Variants in FSTL4 observed in about 807,000 individuals in gnomAD.
FSTL4 encodes the protein follistatin-related protein 4.
In FSTL4, 28 loss-of-function variants were observed where a neutral mutation model predicts 78.2. The ratio of observed to expected loss-of-function variants is 0.36; its 90% CI spans 0.27 to 0.49. FSTL4 has a LOEUF of 0.49. Ranked by LOEUF, FSTL4 falls within the 20% of genes least tolerant of loss-of-function variation. FSTL4 has a pLI of 0.98. For missense variants in FSTL4, 922 were observed against 1,084.9 expected, an observed-to-expected ratio of 0.85 and a Z score of 2.11; for synonymous variants, 422 against 440.5, an observed-to-expected ratio of 0.96 and a Z score of 0.53.
chr5:133,642,840 CAA>C, the FSTL4 span, among the ~76,000 whole-genome samples: 2 of 152,104 alleles, frequency 1.3e-5, no homozygotes, highest in Non-Finnish European at 2.9e-5. Context: ...AAAATTGAAA[CAA>C]AGAAATCACA....
the FSTL4 span, among the ~76,000 whole-genome samples, chr5:133,697,407 GCCCCAGACCATGCTGA>G: frequency 6.6e-6 from 1 of 152,102 alleles, no homozygotes; most frequent in African/African-American, 2.4e-5. Context: ...TCCTCCCCCT[GCCCCAGACCATGCTGA>G]CCTCTTCCCA....
In FSTL4 at chr5:133,312,786, T is replaced by G. The variant is rs757989692; in HGVS notation, c.604-9A>C. On this transcript the variant is annotated splice_polypyrimidine_tract_variant and intron_variant, in intron 5 of 15. Coordinates refer to ENST00000265342, the MANE Select transcript of FSTL4 (RefSeq NM_015082.2). ...TGCTTCTTCAGCACATGCTGTGGGG[T>G]GAGGAGGAGAACAAGGCCAGAATCA... The G allele has an allele frequency of 6.8e-6, 11 of 1,613,766 alleles. No homozygotes were observed. In the African/African-American group the frequency reaches 1.3e-4, roughly 20 times the overall value.
chr5:133,437,650 C>T lies in FSTL4; in HGVS notation c.161-36664G>A, dbSNP rs1026671599. 3.9e-5 allele frequency among the ~76,000 whole-genome samples: 6 copies of T among 151,906 alleles called. No homozygotes were observed. The East Asian group carries it at 5.8e-4, about 15-fold the overall frequency. On this transcript the variant is annotated intron_variant, in intron 3 of 15. Transcript: ENST00000265342. Reference sequence around the variant, plus strand: ...GATTACAGTTGCTCGCCACCACACCCGGTTAATTTTTTGTATTTTTAGTAG... The same window carrying T: ...GATTACAGTTGCTCGCCACCACACCTGGTTAATTTTTTGTATTTTTAGTAG...
intron 3 of FSTL4, among the ~76,000 whole-genome samples, chr5:133,428,676 C>T (rs767280956): frequency 1.3e-5 from 2 of 152,220 alleles, no homozygotes; most frequent in African/African-American, 4.8e-5. Flanking sequence ...CATATAGGGG[C>T]TCCTGTCCTC....
intron 3 of FSTL4, among the ~76,000 whole-genome samples, chr5:133,506,801 AATAAATATTTGTTGG>A (rs1332950166): frequency 6.6e-6 from 1 of 152,250 alleles, no homozygotes; most frequent in Non-Finnish European, 1.5e-5. Flanking sequence ...GAGGTCATTC[AATAAATATTTGTTGG>A]ATAAATATTT....
At chr5:133,205,312 A>G (rs1750461644) in intron 14 of FSTL4, among the ~76,000 whole-genome samples, 1 of 152,188 alleles carries the variant, frequency 6.6e-6, no homozygotes, top group Non-Finnish European at 1.5e-5. Context: ...ACAGTGAACC[A>G]TCGTTGCATC....
At chr5:133,443,383 A>C (rs1298631340) in intron 3 of FSTL4, among the ~76,000 whole-genome samples, 1 of 152,234 alleles carries the variant, frequency 6.6e-6, no homozygotes, top group Non-Finnish European at 1.5e-5. Flanking sequence ...GCTTGAACTG[A>C]AATTGTCACA....
At chr5:133,683,963 TG>T in the FSTL4 span, among the ~76,000 whole-genome samples, 1,841 of 152,290 alleles carry the variant, frequency 0.012, 41 homozygotes, top group African/African-American at 0.041. Context: ...TAGCTCATCT[TG>T]CCTCATCCGC....
At chr5:133,469,871 T>A (rs1757786201) in intron 3 of FSTL4, among the ~76,000 whole-genome samples, 1 of 150,292 alleles carries the variant, frequency 6.7e-6, no homozygotes, top group African/African-American at 2.5e-5. Context: ...AAATAACACC[T>A]CCCTCAGAGG....
intron 6 of FSTL4, among the ~76,000 whole-genome samples, chr5:133,272,065 C>T (rs965044642): frequency 6.6e-6 from 1 of 152,102 alleles, no homozygotes; most frequent in Non-Finnish European, 1.5e-5. Flanking sequence ...CGCAACAGTT[C>T]CAGGGAAATT....
At chr5:133,518,029 C>T (rs1758900364) in intron 3 of FSTL4, among the ~76,000 whole-genome samples, 1 of 152,138 alleles carries the variant, frequency 6.6e-6, no homozygotes, top group Non-Finnish European at 1.5e-5. Flanking sequence ...TAATGTCTGA[C>T]CAAATATTTA....
At chr5:133,538,489 C>G (rs1327682544) in intron 3 of FSTL4, among the ~76,000 whole-genome samples, 2 of 151,872 alleles carry the variant, frequency 1.3e-5, no homozygotes, top group Non-Finnish European at 1.5e-5. Flanking sequence ...TGGAGAAACA[C>G]TTGCAGAATA....
intron 3 of FSTL4, among the ~76,000 whole-genome samples, chr5:133,466,528 C>T (rs1334611728): frequency 2.7e-5 from 4 of 150,024 alleles, no homozygotes; most frequent in African/African-American, 4.9e-5. Flanking sequence ...GGCGAAAGAG[C>T]GAGACTCTGT....
chr5:133,442,173 G>T (rs963234699), intron 3 of FSTL4, among the ~76,000 whole-genome samples: 1 of 152,190 alleles, frequency 6.6e-6, no homozygotes, highest in Non-Finnish European at 1.5e-5. Context: ...CCTTCCAATG[G>T]CTAATTGGCT....
At chr5:133,400,578 C>T (rs536839433) in intron 4 of FSTL4, among the ~76,000 whole-genome samples, 160 bp downstream of exon 4, 9 of 152,202 alleles carry the variant, frequency 5.9e-5, no homozygotes, top group African/African-American at 2.2e-4. Context: ...GAGTATGCAT[C>T]ACCAAAATGC....
At position 133,611,109 on chromosome 5, in the gene FSTL4, G is replaced by T. The variant is rs992500397; in HGVS notation, c.-11+1216C>A. Among the ~76,000 whole-genome samples, 1 of 152,136 alleles carries T rather than the reference G, an allele frequency of 6.6e-6. No individual in the cohort carries two copies. The highest frequency in any genetic ancestry group is 1.5e-5 in the Non-Finnish European group (1 of 68,002). ...GCGGAAGCGACACCTAGAGGGGAGCGGCGGGCTGTGGCCGCGCCATTCATC... is the reference window on the plus strand; with the variant it reads ...GCGGAAGCGACACCTAGAGGGGAGCTGCGGGCTGTGGCCGCGCCATTCATC... On this transcript the variant is annotated intron_variant, in intron 1 of 15. Transcript: ENST00000265342. The surrounding 1 kb of genome is among the most constrained non-coding windows in gnomAD (Gnocchi z 4.9).
intron 4 of FSTL4, among the ~76,000 whole-genome samples, chr5:133,348,020 A>C (rs1754733599): frequency 6.6e-6 from 1 of 152,210 alleles, no homozygotes; most frequent in South Asian, 2.1e-4. Context: ...ATAGTATTTC[A>C]GAATGATGGC....
the FSTL4 span, among the ~76,000 whole-genome samples, chr5:133,718,121 C>G: frequency 6.6e-6 from 1 of 151,258 alleles, no homozygotes; most frequent in Non-Finnish European, 1.5e-5. Context: ...GAGATGGAGT[C>G]TCACTCTGTC....
the FSTL4 span, among the ~76,000 whole-genome samples, chr5:133,802,503 G>A: frequency 2.0e-5 from 3 of 152,182 alleles, no homozygotes; most frequent in South Asian, 2.1e-4. Context: ...GAGTCCAGCC[G>A]CCGTCATCCC....
Sources: allele counts gnomAD v4.1 joint callset (sites outside exome capture counted in the v4.1 genomes callset), GRCh38; gene constraint gnomAD v4.1.1; non-coding constraint Gnocchi (gnomAD v3.1); transcripts MANE v1.5; gene names NCBI Gene and HGNC (gene_info 2026-07-23, HGNC 2026-07-21).